KCNJ8: variants seen among roughly 807,000 people sequenced by gnomAD.
KCNJ8 encodes the protein ATP-sensitive inward rectifier potassium channel 8.
A neutral mutation model predicts 28.2 loss-of-function variants in KCNJ8; 13 were observed. That is an observed-to-expected ratio of 0.46 (90% CI 0.30 to 0.73). The LOEUF is 0.73. Among genes scored for constraint, KCNJ8 ranks in the 30% least tolerant of loss-of-function variants. The probability of loss-of-function intolerance (pLI) is 0.07; values close to 1 mark genes in which losing one functional copy is unlikely to be tolerated. For missense variants in KCNJ8, 284 were observed against 542.6 expected (o/e 0.52, Z 4.73); for synonymous variants, 188 against 195.9 (o/e 0.96, Z 0.34).
intron 2 of KCNJ8, among the ~76,000 whole-genome samples, chr12:21,768,149 G>A (rs11046182): frequency 0.17 from 25,078 of 151,956 alleles, 2,534 homozygotes; most frequent in Middle Eastern, 0.35. Context: ...CCTCACCTTC[G>A]CAGTTCACCG....
rs201054602 is a variant in KCNJ8, at chr12:21,774,379, C to CG, written c.-71+166dup. Among the ~76,000 whole-genome samples the CG allele has an allele frequency of 7.0e-3, 961 of 136,748 alleles. 5 individuals are homozygous for CG. The highest frequency in any genetic ancestry group is 9.5e-3 in the Non-Finnish European group (612 of 64,206). 89.7% of individuals were successfully genotyped at this position (136,748 alleles called of 152,430 possible). A position where few individuals can be genotyped will look rare whatever the true frequency, so the allele number is the denominator to read the frequency against. ...ACGAAGGAATCAAATATACAAGGTG[C>CG]GGGGGGGAAAAAACCCAAGACAACA... On this transcript the variant is annotated intron_variant, in intron 1 of 2. Transcript: ENST00000240662.
At position 21,770,082 on chromosome 12, in the gene KCNJ8, A is replaced by G. The variant is rs143881325; in HGVS notation, c.374+3161T>C. On this transcript the variant is annotated intron_variant, in intron 2 of 2. Transcript: ENST00000240662. ...AAACAGCATCACACATTACAGATAAATCTTTTGTGAAAAGAAAAGTCAATT... is the reference window on the plus strand; with the variant it reads ...AAACAGCATCACACATTACAGATAAGTCTTTTGTGAAAAGAAAAGTCAATT... Among the ~76,000 whole-genome samples, 346 of 152,324 alleles carry G rather than the reference A, an allele frequency of 2.3e-3. 1 individual carries two copies. The highest frequency in any genetic ancestry group is 7.6e-3 in the African/African-American group (316 of 41,580).
In KCNJ8 at chr12:21,765,624, G is replaced by A. The variant is rs1940599166; in HGVS notation, c.*99C>T. 4 of 1,009,110 alleles carry A rather than the reference G, an allele frequency of 4.0e-6. No individual in the cohort carries two copies. Among genetic ancestry groups the A allele is most frequent in the Non-Finnish European group, 6.3e-6 (4 of 630,720 alleles). The allele number at this position is 1,009,110 out of a possible 1,614,324, so 62.5% of individuals were successfully genotyped here. ...ATATCATTTAGTGTAATAAAATGTA[G>A]AAGGACACATTATTGTGTTCCAGCT... On this transcript the variant is annotated 3_prime_UTR_variant, in exon 3 of 3. Coordinates refer to ENST00000240662, the MANE Select transcript of KCNJ8 (RefSeq NM_004982.4).
chr12:21,773,636 G>C lies in KCNJ8; in HGVS notation c.-20C>G, dbSNP rs1940813974. On this transcript the variant is annotated 5_prime_UTR_variant, in exon 2 of 3. Coordinates refer to ENST00000240662, the MANE Select transcript of KCNJ8 (RefSeq NM_004982.4). This position sits in a 1 kb window ranked among gnomAD's most constrained non-coding sequence, Gnocchi z 4.6. The stretch of plus-strand genomic sequence containing the variant: ...CAACATCGTCCTGTCACCATAGCCA[G>C]CTTAGCCACCTCCCTCTCACCTGCC... The C allele has an allele frequency of 6.2e-7, 1 of 1,610,122 alleles. No individual in the cohort carries two copies. Among genetic ancestry groups the C allele is most frequent in the African/African-American group, 1.3e-5 (1 of 74,900 alleles).
At chr12:21,771,713 T>C (rs554377596) in intron 2 of KCNJ8, among the ~76,000 whole-genome samples, 3 of 152,346 alleles carry the variant, frequency 2.0e-5, no homozygotes, top group African/African-American at 7.2e-5. Flanking sequence ...CATTTCTTTT[T>C]TCTCTTTTTA....
chr12:21,772,519 G>T (rs1351775241), intron 2 of KCNJ8, among the ~76,000 whole-genome samples: 3 of 152,128 alleles, frequency 2.0e-5, no homozygotes, highest in Admixed American at 2.0e-4. Flanking sequence ...GGTAATCTAA[G>T]AACTATCTTG....
intron 2 of KCNJ8, among the ~76,000 whole-genome samples, chr12:21,770,877 A>C (rs1263005219): frequency 1.3e-5 from 2 of 152,234 alleles, no homozygotes; most frequent in South Asian, 4.1e-4. Context: ...CTATTTATTA[A>C]TGCTACAGAC....
At chr12:21,772,000 ATCAAT>A (rs1278270005) in intron 2 of KCNJ8, among the ~76,000 whole-genome samples, 2 of 152,226 alleles carry the variant, frequency 1.3e-5, no homozygotes, top group African/African-American at 2.4e-5. Flanking sequence ...AAAGCAATAG[ATCAAT>A]TCAATACAGT....
rs529170087 is a variant in KCNJ8 at position 21,773,191 on chromosome 12, A to G, written c.374+52T>C. ...GAATGATAAGAGAAAGGGCATTTTG[A>G]CATTTTTTCTCTACTGTTTTCAACC... On this transcript the variant is annotated intron_variant, in intron 2 of 2. Coordinates refer to ENST00000240662, the MANE Select transcript of KCNJ8 (RefSeq NM_004982.4). This position sits in a 1 kb window ranked among gnomAD's most constrained non-coding sequence, Gnocchi z 4.6. 211 of 1,588,560 alleles carry G rather than the reference A, an allele frequency of 1.3e-4. 1 individual carries two copies. The highest frequency in any genetic ancestry group is 3.3e-4 in the Middle Eastern group (2 of 6,048).
chr12:21,768,695 C>G (rs537217867), intron 2 of KCNJ8, among the ~76,000 whole-genome samples: 1 of 152,308 alleles, frequency 6.6e-6, no homozygotes, highest in East Asian at 1.9e-4. Context: ...CCAGTGAAGA[C>G]ACAAATGATA....
chr12:21,769,134 A>C (rs1270795280), intron 2 of KCNJ8, among the ~76,000 whole-genome samples: 1 of 152,222 alleles, frequency 6.6e-6, no homozygotes, highest in African/African-American at 2.4e-5. Context: ...AAAGCATCAA[A>C]GTTCAGGCTA....
In KCNJ8 at chr12:21,773,533, T is replaced by C; in HGVS notation, c.84A>G (p.Arg28=). The C allele has an allele frequency of 1.2e-6, 2 of 1,614,218 alleles. No individual in the cohort carries two copies. Among genetic ancestry groups the C allele is most frequent in the Non-Finnish European group, 8.5e-7 (1 of 1,180,044 alleles). The change falls in exon 2 of 3, where the codon CGA becomes CGG. Residue 28 remains arginine, a synonymous_variant. Coordinates refer to ENST00000240662, the MANE Select transcript of KCNJ8 (RefSeq NM_004982.4). The surrounding 1 kb of genome is among the most constrained non-coding windows in gnomAD (Gnocchi z 4.6). The part of the protein sequence containing the change: ...AAENLRKPRI[R]DRLPKARFIA... ...TGAAGCGGGCTTTGGGGAGGCGGTC[T>C]CGGATGCGCGGCTTGCGCAGGTTCT...
chr12:21,770,070 C>A (rs999782242), intron 2 of KCNJ8, among the ~76,000 whole-genome samples: 2 of 152,192 alleles, frequency 1.3e-5, no homozygotes, highest in Non-Finnish European at 2.9e-5. Flanking sequence ...CAGCATCACA[C>A]ATTACAGATA....
Position 21,774,661 on chromosome 12 carries a change from G to A in KCNJ8, c.-186C>T, listed in dbSNP as rs1940853437. On this transcript the variant is annotated 5_prime_UTR_variant, in exon 1 of 3. Coordinates refer to ENST00000240662, the MANE Select transcript of KCNJ8 (RefSeq NM_004982.4). ...GGACCAGGGGCCGCCCAGGCCGGAG[G>A]GACAAATTGGGGGCTGCGTGTCCTA... 6.6e-6 allele frequency: 1 copy of A among 152,240 alleles called. No individual in the cohort carries two copies. The highest frequency in any genetic ancestry group is 1.5e-5 in the Non-Finnish European group (1 of 68,112). The allele number at this position is 152,240 out of a possible 1,614,324, so 9.4% of individuals were successfully genotyped here. A position where few individuals can be genotyped will look rare whatever the true frequency, so the allele number is the denominator to read the frequency against.
intron 2 of KCNJ8, among the ~76,000 whole-genome samples, chr12:21,767,757 C>A (rs2137048414): frequency 6.6e-6 from 1 of 152,274 alleles, no homozygotes; most frequent in South Asian, 2.1e-4. Flanking sequence ...TTATTTTATT[C>A]TTCTCTGCTG....
intron 2 of KCNJ8, among the ~76,000 whole-genome samples, chr12:21,769,472 A>G (rs139290849): frequency 2.0e-3 from 304 of 152,322 alleles, no homozygotes; most frequent in African/African-American, 7.1e-3. Flanking sequence ...CACAACATCC[A>G]TTCTACAGCC....
In KCNJ8 at chr12:21,773,766, T is replaced by A; in HGVS notation, c.-70-80A>T. The stretch of plus-strand genomic sequence containing the variant: ...TTGGGTCCTTGTATTCAAGGATATG[T>A]CTGTACATGTGCGAGGTGACATGCA... On this transcript the variant is annotated intron_variant, in intron 1 of 2. Transcript: ENST00000240662. This position sits in a 1 kb window ranked among gnomAD's most constrained non-coding sequence, Gnocchi z 4.6. The A allele has an allele frequency of 9.7e-7, 1 of 1,035,862 alleles. No homozygotes were observed. Among genetic ancestry groups the A allele is most frequent in the South Asian group, 1.4e-5 (1 of 70,230 alleles). The allele number at this position is 1,035,862 out of a possible 1,614,324, so 64.2% of individuals were successfully genotyped here.
At chr12:21,770,276 G>A (rs557395031) in intron 2 of KCNJ8, among the ~76,000 whole-genome samples, 1 of 152,104 alleles carries the variant, frequency 6.6e-6, no homozygotes, top group Admixed American at 6.5e-5. Context: ...GCATTTTTTA[G>A]CATTAAAATA....
chr12:21,773,321 C>T lies in KCNJ8; in HGVS notation c.296G>A (p.Gly99Glu), dbSNP rs777762871. The change falls in exon 2 of 3, where the codon GGG (glycine) becomes GAG (glutamate). Residue 99 changes from glycine to glutamate, a missense_variant. This residue lies in a region of KCNJ8 where 42 missense variants were observed against 50.9 expected (regional missense o/e 0.83). Transcript: ENST00000240662. This position sits in a 1 kb window ranked among gnomAD's most constrained non-coding sequence, Gnocchi z 4.6. ...TTTCTCCATGTAAGCATAGATGTCC[C>T]CATGGGCAAAGGCCACCAGCCACCA... ...IMWWLVAFAHGDIYAYMEKSG... is the reference protein window; with the variant it reads ...IMWWLVAFAHEDIYAYMEKSG... 1 of 1,614,076 alleles carries T rather than the reference C, an allele frequency of 6.2e-7. No individual in the cohort carries two copies. The highest frequency in any genetic ancestry group is 2.2e-5 in the East Asian group (1 of 44,896).
Sources: gnomAD v4.1 joint callset for allele counts (sites outside exome capture counted in the v4.1 genomes callset) on GRCh38, gnomAD v4.1.1 for gene constraint, gnomAD v4.1.1 regional missense constraint, Gnocchi (gnomAD v3.1) non-coding constraint, MANE v1.5 for transcripts, NCBI Gene and HGNC (gene_info 2026-07-23, HGNC 2026-07-21) for gene names.